Variants in NXPH2 observed in about 807,000 individuals in gnomAD.
NXPH2 encodes neurexophilin-2.
In NXPH2, 5 loss-of-function variants were observed where a neutral mutation model predicts 19.8. The observed-to-expected ratio is 0.25, with a 90% confidence interval of 0.13 to 0.53. The LOEUF is 0.53. Ranked by LOEUF, NXPH2 falls within the 20% of genes least tolerant of loss-of-function variation. The pLI is 0.96. For synonymous variants in NXPH2, 154 were observed against 127.4 expected (o/e 1.21, Z -1.41); for missense variants, 289 against 322.8 (o/e 0.90, Z 0.80).
intron 1 of NXPH2, among the ~76,000 whole-genome samples, chr2:138,676,497 C>A (rs1680486126): frequency 6.6e-6 from 1 of 152,092 alleles, no homozygotes; most frequent in African/African-American, 2.4e-5. Context: ...CATGTATTCC[C>A]AATAGGGAAG....
intron 1 of NXPH2, among the ~76,000 whole-genome samples, chr2:138,741,633 A>G (rs1681644221): frequency 6.6e-6 from 1 of 152,234 alleles, no homozygotes; most frequent in African/African-American, 2.4e-5. Flanking sequence ...AAAGGCAAAT[A>G]TTACTAGAAC....
At chr2:138,729,467 A>G (rs1239091877) in intron 1 of NXPH2, among the ~76,000 whole-genome samples, 1 of 152,148 alleles carries the variant, frequency 6.6e-6, no homozygotes, top group Non-Finnish European at 1.5e-5. Flanking sequence ...TCTTTCCTTT[A>G]TAAATTACCC....
intron 1 of NXPH2, among the ~76,000 whole-genome samples, chr2:138,708,471 C>A (rs1039765543): frequency 2.6e-5 from 4 of 152,176 alleles, no homozygotes; most frequent in African/African-American, 7.2e-5. Flanking sequence ...ATTTAATATG[C>A]AAATTAATGC....
At chr2:138,727,965 G>T (rs72988944) in intron 1 of NXPH2, among the ~76,000 whole-genome samples, 1 of 152,270 alleles carries the variant, frequency 6.6e-6, no homozygotes, top group South Asian at 2.1e-4. Flanking sequence ...ACCAATCCTG[G>T]CTCCAGTATT....
chr2:138,713,383 T>C (rs1291617714), intron 1 of NXPH2, among the ~76,000 whole-genome samples: 1 of 152,162 alleles, frequency 6.6e-6, no homozygotes, highest in Non-Finnish European at 1.5e-5. Flanking sequence ...CAGCCATCTT[T>C]AGAAGCTTCC....
chr2:138,681,869 T>A (rs1030344984), intron 1 of NXPH2, among the ~76,000 whole-genome samples: 1 of 152,220 alleles, frequency 6.6e-6, no homozygotes, highest in African/African-American at 2.4e-5. Context: ...CATGGTGTTG[T>A]TAACGATGGG....
intron 1 of NXPH2, among the ~76,000 whole-genome samples, chr2:138,757,634 C>A (rs1257244146): frequency 6.6e-6 from 1 of 152,104 alleles, no homozygotes; most frequent in Non-Finnish European, 1.5e-5. Flanking sequence ...GCATGAGACA[C>A]AGAGAAAACA....
chr2:138,728,199 GTC>G (rs1681389184), intron 1 of NXPH2, among the ~76,000 whole-genome samples: 4 of 151,806 alleles, frequency 2.6e-5, no homozygotes, highest in Admixed American at 2.0e-4. Flanking sequence ...TCTTCCCTCT[GTC>G]TCTCTCTTTG....
chr2:138,676,044 C>G (rs1229425383), intron 1 of NXPH2, among the ~76,000 whole-genome samples: 1 of 151,794 alleles, frequency 6.6e-6, no homozygotes, highest in Non-Finnish European at 1.5e-5. Flanking sequence ...CATCATATTT[C>G]TAGCTTGTTT....
chr2:138,766,728 T>C (rs1484562578), intron 1 of NXPH2, among the ~76,000 whole-genome samples: 2 of 152,154 alleles, frequency 1.3e-5, no homozygotes, highest in Admixed American at 6.6e-5. Flanking sequence ...TACGGAGTAA[T>C]AAACATTTAT....
chr2:138,676,306 T>A (rs1680483545), intron 1 of NXPH2, among the ~76,000 whole-genome samples: 1 of 152,216 alleles, frequency 6.6e-6, no homozygotes, highest in South Asian at 2.1e-4. Flanking sequence ...TCAGCCTTCC[T>A]CTTGTTATTA....
chr2:138,722,512 C>T (rs956721176), intron 1 of NXPH2, among the ~76,000 whole-genome samples: 2 of 152,186 alleles, frequency 1.3e-5, no homozygotes, highest in African/African-American at 2.4e-5. Flanking sequence ...CAACAGGAAG[C>T]TGTCCTGGGC....
intron 1 of NXPH2, among the ~76,000 whole-genome samples, chr2:138,707,075 TTAAG>T (rs1335467668): frequency 8.5e-5 from 3 of 35,306 alleles, no homozygotes; most frequent in South Asian, 1.9e-3. Context: ...GAAGATGACT[TTAAG>T]TACTTGCCCC....
intron 1 of NXPH2, among the ~76,000 whole-genome samples, chr2:138,750,472 T>C (rs1445911862): frequency 6.6e-6 from 1 of 152,132 alleles, no homozygotes; most frequent in Middle Eastern, 3.2e-3. Flanking sequence ...ATCTAGTAAA[T>C]AGCCAAATTG....
intron 1 of NXPH2, among the ~76,000 whole-genome samples, chr2:138,675,773 A>G (rs530557891): frequency 2.6e-5 from 4 of 152,310 alleles, no homozygotes; most frequent in Non-Finnish European, 5.9e-5. Context: ...TTTCTAAAAA[A>G]AAATCATTCT....
At chr2:138,711,986 T>G (rs114774181) in intron 1 of NXPH2, among the ~76,000 whole-genome samples, 2 of 152,198 alleles carry the variant, frequency 1.3e-5, no homozygotes, top group African/African-American at 4.8e-5. Context: ...AGAGGGCAGA[T>G]GGCTGGCTGC....
At chr2:138,740,462 T>A (rs1169483267) in intron 1 of NXPH2, among the ~76,000 whole-genome samples, 1 of 152,110 alleles carries the variant, frequency 6.6e-6, no homozygotes, top group Non-Finnish European at 1.5e-5. Flanking sequence ...TGGTGAGGGG[T>A]TCTAGTCACC....
At chr2:138,685,880 A>G (rs1483143780) in intron 1 of NXPH2, among the ~76,000 whole-genome samples, 1 of 152,160 alleles carries the variant, frequency 6.6e-6, no homozygotes, top group African/African-American at 2.4e-5. Flanking sequence ...CATGCTTGTC[A>G]CACTGTTTAT....
chr2:138,735,283 G>C (rs1681522275), intron 1 of NXPH2, among the ~76,000 whole-genome samples: 1 of 152,072 alleles, frequency 6.6e-6, no homozygotes, highest in Non-Finnish European at 1.5e-5. Flanking sequence ...TGCTGATAAA[G>C]ACATACCTAA....
Sources: allele counts gnomAD v4.1 joint callset (sites outside exome capture counted in the v4.1 genomes callset), GRCh38; gene constraint gnomAD v4.1.1; transcripts MANE v1.5; gene names NCBI Gene and HGNC (gene_info 2026-07-23, HGNC 2026-07-21).